Variants in SEC22A observed in about 807,000 individuals in gnomAD.
SEC22A encodes vesicle-trafficking protein SEC22a.
In SEC22A, 22 loss-of-function variants were observed where a neutral mutation model predicts 35.3. That is an observed-to-expected ratio of 0.62 (90% CI 0.45 to 0.89). The LOEUF (loss-of-function observed/expected upper bound fraction) is 0.89. SEC22A is among the 40% of genes least tolerant of loss of function. The probability of loss-of-function intolerance (pLI) is 0.00; values close to 1 mark genes in which losing one functional copy is unlikely to be tolerated. For synonymous variants in SEC22A, 119 were observed against 129.5 expected (o/e 0.92, Z 0.55); for missense variants, 354 against 362.5 (o/e 0.98, Z 0.19).
intron 2 of SEC22A, among the ~76,000 whole-genome samples, chr3:123,220,875 TATATAC>T (rs761020965): frequency 0.022 from 2,651 of 120,136 alleles, 195 homozygotes; most frequent in African/African-American, 0.073. Context: ...CTCATATATA[TATATAC>T]ATATATATAT....
At chr3:123,205,837 A>G (rs1193558207) in intron 1 of SEC22A, among the ~76,000 whole-genome samples, 1 of 152,196 alleles carries the variant, frequency 6.6e-6, no homozygotes, top group Non-Finnish European at 1.5e-5. Flanking sequence ...ATGTTTCTTG[A>G]TGGTAGGACT....
At chr3:123,204,203 TTTAAA>T (rs2108021219) in intron 1 of SEC22A, among the ~76,000 whole-genome samples, 1 of 152,330 alleles carries the variant, frequency 6.6e-6, no homozygotes, top group South Asian at 2.1e-4. Context: ...GTTCATTTAA[TTTAAA>T]TTAGGAGAAA....
chr3:123,259,387 ACT>A (rs2108097380), intron 5 of SEC22A, 135 bp from the exon 6 acceptor site: 1 of 627,792 alleles, frequency 1.6e-6, no homozygotes, highest in African/African-American at 1.8e-5. Flanking sequence ...TCATTTTAGG[ACT>A]CTTGAGAATT....
intron 2 of SEC22A, among the ~76,000 whole-genome samples, chr3:123,219,694 T>C (rs1937089770): frequency 6.6e-6 from 1 of 152,204 alleles, no homozygotes; most frequent in Admixed American, 6.5e-5. Context: ...ATTTCTCTTC[T>C]TTCTCCTCAA....
chr3:123,218,699 T>C (rs558520441), intron 2 of SEC22A, among the ~76,000 whole-genome samples: 5 of 152,336 alleles, frequency 3.3e-5, no homozygotes, highest in Non-Finnish European at 2.9e-5. Flanking sequence ...TTCTGTCATT[T>C]AGTCAAGTAT....
At chr3:123,226,921 T>G (rs1937226766) in intron 4 of SEC22A, among the ~76,000 whole-genome samples, 1 of 152,226 alleles carries the variant, frequency 6.6e-6, no homozygotes, top group Non-Finnish European at 1.5e-5. Context: ...GGTTTCTTTG[T>G]AAACATTTTT....
At chr3:123,223,800 A>AG (rs980705256) in intron 3 of SEC22A, 78 bp downstream of exon 3, 4 of 1,010,684 alleles carry the variant, frequency 4.0e-6, no homozygotes, top group Non-Finnish European at 4.4e-6. Context: ...TATTGGGTGG[A>AG]GGGGGGACTT....
chr3:123,254,881 C>G (rs374646173), intron 5 of SEC22A, among the ~76,000 whole-genome samples: 7 of 151,290 alleles, frequency 4.6e-5, no homozygotes, highest in African/African-American at 4.9e-5. Context: ...TATCCCTCCC[C>G]CCTCACCCCA....
chr3:123,271,554 G>T lies in SEC22A; in HGVS notation c.756G>T (p.Arg252=), dbSNP rs1938159616. The T allele has an allele frequency of 6.2e-7, 1 of 1,613,764 alleles. No homozygotes were observed. The highest frequency in any genetic ancestry group is 1.3e-5 in the African/African-American group (1 of 74,900). The change falls in exon 7 of 7, where the codon CGG becomes CGT. Residue 252 remains arginine (R), a synonymous_variant. Transcript: ENST00000492595. ...TACTTGTCTACTACACCGGCTGGCG[G>T]AATGTCAAATCTTTTTTGACTTTTG... ...CYLLVYYTGW[R]NVKSFLTFGL... is the part of the protein sequence containing the mutation.
At chr3:123,270,714 AAAAT>A (rs1446434935) in intron 6 of SEC22A, among the ~76,000 whole-genome samples, 3 of 152,228 alleles carry the variant, frequency 2.0e-5, no homozygotes, top group African/African-American at 7.2e-5. Context: ...GTTGTGGAGA[AAAAT>A]AAAGCAGTAA....
In SEC22A at chr3:123,271,887, G is replaced by GGCCTGCTAGGAAA. The variant is rs1553713852; in HGVS notation, c.*165_*166insGCCTGCTAGGAAA. 5 of 615,620 alleles carry GGCCTGCTAGGAAA rather than the reference G, an allele frequency of 8.1e-6. No homozygotes were observed. The highest frequency in any genetic ancestry group is 2.0e-5 in the South Asian group (1 of 49,448). The allele number at this position is 615,620 out of a possible 1,614,324, so 38.1% of individuals were successfully genotyped here. A position where few individuals can be genotyped will look rare whatever the true frequency, so the allele number is the denominator to read the frequency against. ...GCATGATGTGCCTGTGAGCATGGAA[G>GGCCTGCTAGGAAA]AGTCCTCTCAGAAGAATGTTGGCCA... On this transcript the variant is annotated 3_prime_UTR_variant, in exon 7 of 7. Transcript: ENST00000492595.
At chr3:123,251,250 A>G (rs1448908868) in intron 5 of SEC22A, among the ~76,000 whole-genome samples, 1 of 152,188 alleles carries the variant, frequency 6.6e-6, no homozygotes, top group African/African-American at 2.4e-5. Context: ...GGAGTGTGAA[A>G]GAAGCATGGG....
At chr3:123,248,647 T>G (rs1937585598) in intron 5 of SEC22A, among the ~76,000 whole-genome samples, 1 of 152,188 alleles carries the variant, frequency 6.6e-6, no homozygotes, top group Non-Finnish European at 1.5e-5. Flanking sequence ...TGTTTAGGTA[T>G]CATTTCTTCC....
At chr3:123,266,990 CATT>C (rs1229974112) in intron 6 of SEC22A, among the ~76,000 whole-genome samples, 3 of 152,054 alleles carry the variant, frequency 2.0e-5, no homozygotes, top group Non-Finnish European at 4.4e-5. Flanking sequence ...GCCCATTTAT[CATT>C]ATATATGTTC....
intron 5 of SEC22A, among the ~76,000 whole-genome samples, chr3:123,253,583 G>C (rs1034085157): frequency 4.6e-5 from 7 of 151,888 alleles, no homozygotes; most frequent in Non-Finnish European, 1.0e-4. Flanking sequence ...GCGGTGGCAG[G>C]TGCCTATAAT....
At chr3:123,238,540 C>G (rs1211313159) in intron 4 of SEC22A, among the ~76,000 whole-genome samples, 1 of 152,120 alleles carries the variant, frequency 6.6e-6, no homozygotes, top group Non-Finnish European at 1.5e-5. Flanking sequence ...TTAATTCAGA[C>G]CAAGCCTACA....
At chr3:123,263,683 T>G (rs1937947474) in intron 6 of SEC22A, among the ~76,000 whole-genome samples, 1 of 152,038 alleles carries the variant, frequency 6.6e-6, no homozygotes, top group Admixed American at 6.5e-5. Flanking sequence ...CTGGCTAATT[T>G]TTGTATTTTT....
In SEC22A at chr3:123,245,667, C is replaced by CA. The variant is rs138937782; in HGVS notation, c.542-223dup. Among the ~76,000 whole-genome samples the CA allele has an allele frequency of 3.9e-3, 578 of 147,170 alleles. 4 individuals are homozygous for CA. The highest frequency in any genetic ancestry group is 0.013 in the African/African-American group (532 of 40,086). Reference sequence around the variant, plus strand: ...GCGAGCTGTGATTGTGACCCTGTCTCAAAAAAAAAGGAAAAAGAGAAAAAT... The same window carrying CA: ...GCGAGCTGTGATTGTGACCCTGTCTCAAAAAAAAAAGGAAAAAGAGAAAAAT... On this transcript the variant is annotated intron_variant, in intron 4 of 6. Transcript: ENST00000492595.
intron 6 of SEC22A, among the ~76,000 whole-genome samples, chr3:123,269,215 G>GTGTGTGTGTGTGTA (rs10642998): frequency 0.015 from 2,008 of 136,810 alleles, 59 homozygotes; most frequent in African/African-American, 0.048. Context: ...GTGTGTGTGT[G>GTGTGTGTGTGTGTA]TATATATTAC....
Sources: gnomAD v4.1 joint callset for allele counts (sites outside exome capture counted in the v4.1 genomes callset) on GRCh38, gnomAD v4.1.1 for gene constraint, MANE v1.5 for transcripts, NCBI Gene and HGNC (gene_info 2026-07-23, HGNC 2026-07-21) for gene names.